CCDC171: variants seen among roughly 807,000 people sequenced by gnomAD.
CCDC171 encodes coiled-coil domain-containing protein 171.
CCDC171 carries 177 observed loss-of-function variants against 168.2 expected under a neutral mutation model. The ratio of observed to expected loss-of-function variants is 1.05; its 90% confidence interval spans 0.93 to 1.19. The LOEUF is 1.19. Ranked by LOEUF, CCDC171 falls within the 50% of genes most tolerant of loss-of-function variation. The probability of loss-of-function intolerance (pLI) is 0.00; values close to 1 mark genes in which losing one functional copy is unlikely to be tolerated. For missense variants in CCDC171, 1,991 were observed against 1,539.0 expected, an observed-to-expected ratio of 1.29 and a Z score of -4.91; for synonymous variants, 687 against 540.8, an observed-to-expected ratio of 1.27 and a Z score of -3.75.
At chr9:15,654,126 A>T (rs1420658666) in intron 7 of CCDC171, among the ~76,000 whole-genome samples, 1 of 152,180 alleles carries the variant, frequency 6.6e-6, no homozygotes, top group Non-Finnish European at 1.5e-5. Flanking sequence ...GATTTTATTC[A>T]AAGTATTATT....
intron 25 of CCDC171, among the ~76,000 whole-genome samples, chr9:15,966,332 G>T (rs1042150312): frequency 1.1e-4 from 16 of 152,146 alleles, no homozygotes; most frequent in Admixed American, 1.0e-3. Context: ...GTGAACTATG[G>T]AATGTCCTAT....
At chr9:15,702,893 A>G (rs1588051516) in intron 11 of CCDC171, among the ~76,000 whole-genome samples, 1 of 138,598 alleles carries the variant, frequency 7.2e-6, no homozygotes, top group South Asian at 2.4e-4. Flanking sequence ...AAAGAGAGTT[A>G]GGGCCTTGGT....
chr9:15,951,235 T>G (rs4333710), intron 25 of CCDC171, among the ~76,000 whole-genome samples: 38,068 of 134,784 alleles, frequency 0.28, 7,350 homozygotes, highest in East Asian at 0.56. Context: ...AGTCAACAAG[T>G]ATACCCAGGA....
chr9:15,561,016 C>T (rs959359610), intron 1 of CCDC171, among the ~76,000 whole-genome samples: 17 of 152,144 alleles, frequency 1.1e-4, no homozygotes, highest in African/African-American at 4.1e-4. Context: ...GCCTGGATAT[C>T]ACTAGCGGAA....
rs531174546 is a variant in CCDC171 at position 15,559,069 on chromosome 9, G to C, written c.-111-4909G>C. ...TGAGTGAGTTTCTTAATCCTGAGTT[G>C]TAGTTTGATTGCAGTGTGGTCTGAG... On this transcript the variant is annotated intron_variant, in intron 1 of 25. Coordinates refer to ENST00000380701, the MANE Select transcript of CCDC171 (RefSeq NM_173550.4). 2.5e-4 allele frequency among the ~76,000 whole-genome samples: 38 copies of C among 152,200 alleles called. No homozygotes were observed. In the East Asian group the frequency reaches 6.2e-3, roughly 25 times the overall value.
At chr9:15,760,167 A>G (rs1376732721) in intron 18 of CCDC171, among the ~76,000 whole-genome samples, 1 of 152,144 alleles carries the variant, frequency 6.6e-6, no homozygotes, top group Non-Finnish European at 1.5e-5. Context: ...GCCATTTTAA[A>G]TATTGGGATT....
At position 15,715,768 on chromosome 9, in the gene CCDC171, G is replaced by GT. The variant is rs147118123; in HGVS notation, c.1319-5994dup. On this transcript the variant is annotated intron_variant, in intron 11 of 25. Transcript: ENST00000380701. ...TAGACTCCATTCATGAAAAGTTACTGTTTTTTTCTGTAGAACTATGGATTA... is the reference window on the plus strand; with the variant it reads ...TAGACTCCATTCATGAAAAGTTACTGTTTTTTTTCTGTAGAACTATGGATTA... 5.6e-3 allele frequency among the ~76,000 whole-genome samples: 851 copies of GT among 152,170 alleles called. 6 individuals are homozygous for GT. The highest frequency in any genetic ancestry group is 0.02 in the African/African-American group (822 of 41,532).
intron 23 of CCDC171, among the ~76,000 whole-genome samples, chr9:15,856,152 G>A (rs2061341342): frequency 1.3e-5 from 2 of 151,616 alleles, no homozygotes; most frequent in Non-Finnish European, 2.9e-5. Context: ...TTTCTCCTTC[G>A]TTAGAAAAAA....
intron 1 of CCDC171, among the ~76,000 whole-genome samples, chr9:15,559,085 G>A (rs1462419566): frequency 6.6e-6 from 1 of 152,162 alleles, no homozygotes; most frequent in Non-Finnish European, 1.5e-5. Flanking sequence ...TGATTGCAGT[G>A]TGGTCTGAGA....
chr9:16,000,317 T>C (rs1832503078), intron 3 of CCDC171, among the ~76,000 whole-genome samples: 2 of 152,180 alleles, frequency 1.3e-5, no homozygotes, highest in Non-Finnish European at 2.9e-5. Flanking sequence ...AAACAAGGGA[T>C]TGACTTTTTT....
At chr9:15,718,632 C>G (rs1450692926) in intron 11 of CCDC171, among the ~76,000 whole-genome samples, 1 of 152,020 alleles carries the variant, frequency 6.6e-6, no homozygotes, top group Non-Finnish European at 1.5e-5. Context: ...CAGAGAGACT[C>G]TGTTTGGGAG....
chr9:15,912,964 G>T (rs539576201), intron 24 of CCDC171, among the ~76,000 whole-genome samples: 2 of 152,104 alleles, frequency 1.3e-5, no homozygotes, highest in Non-Finnish European at 2.9e-5. Flanking sequence ...GGATTTTCAC[G>T]TTGATATTCA....
At chr9:15,810,672 C>G (rs1057214680) in intron 21 of CCDC171, among the ~76,000 whole-genome samples, 2 of 152,186 alleles carry the variant, frequency 1.3e-5, no homozygotes, top group African/African-American at 2.4e-5. Context: ...TGCCTGGGGC[C>G]GGCAGTGCCG....
At chr9:15,571,564 A>T in intron 2 of CCDC171, 60 bp from the exon 3 acceptor site, 1 of 1,311,646 alleles carries the variant, frequency 7.6e-7, no homozygotes, top group Non-Finnish European at 1.0e-6. Context: ...AAATATCAGA[A>T]ATGCTCTGAA....
chr9:16,019,147 GA>G (rs1408297452), intron 3 of CCDC171, among the ~76,000 whole-genome samples: 6 of 152,166 alleles, frequency 3.9e-5, no homozygotes, highest in Non-Finnish European at 7.3e-5. Flanking sequence ...TGACTTTTAT[GA>G]AATTGTCAAT....
rs554811100 is a variant in CCDC171 at position 15,893,771 on chromosome 9, C to T, written c.3600+19108C>T. ...GTTAGAAAGGCTATTATTAAAAAGT[C>T]AAAAAACACAGATGCTGGTGAGGTC... On this transcript the variant is annotated intron_variant, in intron 24 of 25. Coordinates refer to ENST00000380701, the MANE Select transcript of CCDC171 (RefSeq NM_173550.4). Among the ~76,000 whole-genome samples the T allele has an allele frequency of 1.5e-3, 223 of 152,062 alleles. 7 individuals are homozygous for T. The South Asian group carries it at 0.044, about 30-fold the overall frequency.
At chr9:15,571,802 T>G (rs772371710) in intron 3 of CCDC171, 43 bp downstream of exon 3, 2 of 1,527,256 alleles carry the variant, frequency 1.3e-6, no homozygotes, top group South Asian at 2.5e-5. Context: ...AAGTTGAGTT[T>G]GATTTTTTAG....
At chr9:15,610,962 A>AT (rs1180744736) in intron 6 of CCDC171, among the ~76,000 whole-genome samples, 1 of 152,090 alleles carries the variant, frequency 6.6e-6, no homozygotes, top group Non-Finnish European at 1.5e-5. Flanking sequence ...CAAATCTCAT[A>AT]TTGAAATGTA....
chr9:15,637,796 A>T (rs1333765881), intron 7 of CCDC171, among the ~76,000 whole-genome samples: 1 of 151,996 alleles, frequency 6.6e-6, no homozygotes, highest in Non-Finnish European at 1.5e-5. Flanking sequence ...AAAGGACATG[A>T]ACTCATCATT....
Sources: gnomAD v4.1 joint callset for allele counts (sites outside exome capture counted in the v4.1 genomes callset) on GRCh38, gnomAD v4.1.1 for gene constraint, MANE v1.5 for transcripts, NCBI Gene and HGNC (gene_info 2026-07-23, HGNC 2026-07-21) for gene names.